Variants in MMEL1 observed in about 807,000 individuals in gnomAD.
MMEL1 encodes membrane metallo-endopeptidase-like 1.
MMEL1 carries 98 observed loss-of-function variants against 117.1 expected under a neutral mutation model. The ratio of observed to expected loss-of-function variants is 0.84; its 90% CI spans 0.71 to 0.99. MMEL1 has a LOEUF of 0.99. Among genes scored for constraint, MMEL1 ranks in the 50% least tolerant of loss-of-function variants. The pLI, the probability that MMEL1 is intolerant of heterozygous loss-of-function variation, is 0.00. For synonymous variants in MMEL1, 390 were observed against 415.1 expected, an observed-to-expected ratio of 0.94 and a Z score of 0.74; for missense variants, 1,014 against 1,049.1, an observed-to-expected ratio of 0.97 and a Z score of 0.46.
At chr1:2,621,118 T>C (rs1370215803) in intron 2 of MMEL1, among the ~76,000 whole-genome samples, 1 of 151,994 alleles carries the variant, frequency 6.6e-6, no homozygotes, top group African/African-American at 2.4e-5. Flanking sequence ...GACCCATCTT[T>C]ACAAAAAATA....
In MMEL1 at chr1:2,631,663, C is replaced by T. The variant is rs542944893; in HGVS notation, c.-38+1203G>A. Among the ~76,000 whole-genome samples the T allele has an allele frequency of 3.0e-4, 45 of 152,220 alleles. 1 individual carries two copies. Among genetic ancestry groups the T allele is most frequent in the Admixed American group, 2.5e-3 (39 of 15,298 alleles). On this transcript the variant is annotated intron_variant, in intron 1 of 23. Transcript: ENST00000378412. ...CCCTGGCTCTGTGAACCGCAGCGTT[C>T]ATGCATCCACACACCCTCAGATGCT...
Position 2,595,285 on chromosome 1 carries a change from C to T in MMEL1, c.1575G>A (p.Glu525=), listed in dbSNP as rs778776115. ...LEEMNRRLDE[E]YSNLNFSEDL... ...GGGGTTGGGGGCGCACATTGGAGTA[C>T]TCCTCGTCCAGGCGCCTGTTCATCT... The change falls in exon 16 of 24, where the codon GAG becomes GAA. Residue 525 remains glutamate (E), a synonymous_variant. Coordinates refer to ENST00000378412, the MANE Select transcript of MMEL1 (RefSeq NM_033467.4). This position sits in a 1 kb window ranked among gnomAD's most constrained non-coding sequence, Gnocchi z 4.8. The T allele has an allele frequency of 6.2e-6, 10 of 1,613,654 alleles. No individual in the cohort carries two copies. The East Asian group carries it at 2.2e-4, about 36-fold the overall frequency.
At chr1:2,622,167 A>G (rs1467216471) in intron 2 of MMEL1, among the ~76,000 whole-genome samples, 3 of 152,148 alleles carry the variant, frequency 2.0e-5, no homozygotes, top group Non-Finnish European at 2.9e-5. Flanking sequence ...AGCCCAGGCA[A>G]ACTGAGGGAG....
intron 1 of MMEL1, chr1:2,629,758 G>C (rs973781828): frequency 1.5e-5 from 6 of 392,740 alleles, no homozygotes; most frequent in Middle Eastern, 6.5e-4. Flanking sequence ...CTCCCAGCTT[G>C]GGGTCGCAAG....
intron 2 of MMEL1, among the ~76,000 whole-genome samples, chr1:2,619,205 G>C (rs1424746524): frequency 6.6e-6 from 1 of 152,180 alleles, no homozygotes; most frequent in Admixed American, 6.5e-5. Context: ...CATGGACAGA[G>C]CACCCCAGCT....
chr1:2,627,070 T>C (rs183808212), intron 2 of MMEL1, among the ~76,000 whole-genome samples: 1 of 152,306 alleles, frequency 6.6e-6, no homozygotes, highest in African/African-American at 2.4e-5. Flanking sequence ...AAATGCTGAG[T>C]AGCTAGTACT....
chr1:2,593,842 G>A lies in MMEL1; in HGVS notation c.1839C>T (p.His613=), dbSNP rs140167771. ...TGTCGTCAAAGCCGTGCGTGATCTC[G>A]TGCCCGATCACCATCCCAATGCCTC... ...NFGGIGMVIG[H]EITHGFDDNG... The change falls in exon 19 of 24, where the codon CAC becomes CAT. Residue 613 remains histidine (H), a synonymous_variant. Transcript: ENST00000378412. 2.4e-5 allele frequency: 38 copies of A among 1,611,818 alleles called. No homozygotes were observed. The highest frequency in any genetic ancestry group is 2.0e-4 in the East Asian group (9 of 44,764).
chr1:2,632,011 T>C (rs1050019371), intron 1 of MMEL1, among the ~76,000 whole-genome samples: 1 of 152,176 alleles, frequency 6.6e-6, no homozygotes, highest in Non-Finnish European at 1.5e-5. Flanking sequence ...CTTGCCCTGA[T>C]GTCAGGACCC....
At position 2,603,843 on chromosome 1, in the gene MMEL1, C is replaced by T. The variant is rs192581379; in HGVS notation, c.1041+41G>A. 42 of 1,590,218 alleles carry T rather than the reference C, an allele frequency of 2.6e-5. No individual in the cohort carries two copies. In the African/African-American group the frequency reaches 4.2e-4, roughly 16 times the overall value. On this transcript the variant is annotated intron_variant, in intron 11 of 23. Transcript: ENST00000378412. ...CCGCTTCCATGTCCCCCACGAGTCTCCACCCGGCCAGTGCCGGCCTCCTGT... is the reference window on the plus strand; with the variant it reads ...CCGCTTCCATGTCCCCCACGAGTCTTCACCCGGCCAGTGCCGGCCTCCTGT...
chr1:2,595,165 G>A lies in MMEL1; in HGVS notation c.1584+111C>T. The A allele has an allele frequency of 2.0e-6, 2 of 977,368 alleles. No individual in the cohort carries two copies. The highest frequency in any genetic ancestry group is 1.6e-6 in the Non-Finnish European group (1 of 639,224). 60.5% of individuals were successfully genotyped at this position (977,368 alleles called of 1,614,324 possible). A position where few individuals can be genotyped will look rare whatever the true frequency, so the allele number is the denominator to read the frequency against. The stretch of plus-strand genomic sequence containing the variant: ...ACCCTAGGGCACGGTGAGGACAGCT[G>A]TGTTAGCGCCTGGGAGGAGGGCACA... On this transcript the variant is annotated intron_variant, in intron 16 of 23. Coordinates refer to ENST00000378412, the MANE Select transcript of MMEL1 (RefSeq NM_033467.4). The surrounding 1 kb of genome is among the most constrained non-coding windows in gnomAD (Gnocchi z 4.8).
intron 1 of MMEL1, chr1:2,632,439 C>T (rs1638635691): frequency 6.6e-6 from 1 of 152,356 alleles, no homozygotes; most frequent in Non-Finnish European, 1.5e-5. Flanking sequence ...CTTCCACGAA[C>T]TTCTTTCTTT....
intron 2 of MMEL1, among the ~76,000 whole-genome samples, chr1:2,618,576 G>A (rs527554775): frequency 5.3e-5 from 8 of 152,310 alleles, no homozygotes; most frequent in Admixed American, 2.0e-4. Flanking sequence ...CCTCCCTGGA[G>A]GATGTGTAAT....
chr1:2,606,314 G>T lies in MMEL1; in HGVS notation c.684C>A (p.Asn228Lys), dbSNP rs775020728. Reference sequence around the variant, plus strand: ...TGAAGAGGTCGATGAGGACGCGCCTGTTGAACTGTGAGTTCATCAGCGCCA... The same window carrying T: ...TGAAGAGGTCGATGAGGACGCGCCTTTTGAACTGTGAGTTCATCAGCGCCA... ...RQLALMNSQF[N>K]RRVLIDLFIW... The change falls in exon 8 of 24, where the codon AAC (asparagine) becomes AAA (lysine). Residue 228 changes from asparagine to lysine, a missense_variant. Transcript: ENST00000378412. 2 of 1,612,956 alleles carry T rather than the reference G, an allele frequency of 1.2e-6. No individual in the cohort carries two copies. The highest frequency in any genetic ancestry group is 3.3e-5 in the Admixed American group (2 of 60,022).
intron 18 of MMEL1, 112 bp downstream of exon 18, chr1:2,594,273 C>T: frequency 1.7e-6 from 2 of 1,196,306 alleles, no homozygotes; most frequent in South Asian, 2.6e-5. Context: ...GAGAATGTTC[C>T]AAGAACAGGC....
At chr1:2,594,275 A>C (rs1466985658) in intron 18 of MMEL1, 110 bp downstream of exon 18, 15 of 1,204,044 alleles carry the variant, frequency 1.2e-5, no homozygotes, top group Middle Eastern at 1.9e-4. Flanking sequence ...GAATGTTCCA[A>C]GAACAGGCTG....
At chr1:2,628,771 T>C (rs1260620034) in intron 2 of MMEL1, among the ~76,000 whole-genome samples, 2 of 151,964 alleles carry the variant, frequency 1.3e-5, no homozygotes, top group Non-Finnish European at 2.9e-5. Context: ...TGGCCACGCC[T>C]TTGTCTCCGT....
At chr1:2,617,027 T>C (rs187184343) in intron 2 of MMEL1, among the ~76,000 whole-genome samples, 1 of 152,326 alleles carries the variant, frequency 6.6e-6, no homozygotes, top group Non-Finnish European at 1.5e-5. Context: ...TAACTTACAG[T>C]GCCTCACTTA....
intron 2 of MMEL1, among the ~76,000 whole-genome samples, chr1:2,619,310 A>G (rs1294353179): frequency 6.6e-6 from 1 of 152,224 alleles, no homozygotes; most frequent in East Asian, 1.9e-4. Context: ...CTGGGTTTTA[A>G]GACCCCAACT....
chr1:2,613,892 G>C (rs1359039031), intron 2 of MMEL1, among the ~76,000 whole-genome samples: 1 of 152,080 alleles, frequency 6.6e-6, no homozygotes, highest in Non-Finnish European at 1.5e-5. Flanking sequence ...AAAAAACTAT[G>C]AGCTACATAC....
Sources: gnomAD v4.1 joint callset for allele counts (sites outside exome capture counted in the v4.1 genomes callset) on GRCh38, gnomAD v4.1.1 for gene constraint, Gnocchi (gnomAD v3.1) non-coding constraint, MANE v1.5 for transcripts, NCBI Gene and HGNC (gene_info 2026-07-23, HGNC 2026-07-21) for gene names.